DPP10: variants seen among roughly 807,000 people sequenced by gnomAD.
The protein encoded by DPP10 is dipeptidyl peptidase like 10, also known as inactive dipeptidyl peptidase 10.
In DPP10, 33 loss-of-function variants were observed where a neutral mutation model predicts 120.9. That is an observed-to-expected ratio of 0.27 (90% CI 0.21 to 0.37). DPP10 has a LOEUF of 0.37. DPP10 is among the 10% of genes least tolerant of loss of function. The probability of loss-of-function intolerance (pLI) is 1.00; values close to 1 mark genes in which losing one functional copy is unlikely to be tolerated. For synonymous variants in DPP10, 337 were observed against 326.1 expected (o/e 1.03, Z -0.36); for missense variants, 816 against 942.8 (o/e 0.87, Z 1.76).
intron 1 of DPP10, among the ~76,000 whole-genome samples, chr2:114,968,876 C>T (rs1699211877): frequency 6.6e-6 from 1 of 152,152 alleles, no homozygotes; most frequent in Admixed American, 6.6e-5. Flanking sequence ...TTTGTCAAGG[C>T]AATGTGAGTG....
intron 1 of DPP10, among the ~76,000 whole-genome samples, chr2:115,135,477 C>T (rs1010297055): frequency 4.6e-5 from 7 of 152,016 alleles, no homozygotes; most frequent in Admixed American, 6.6e-5. Flanking sequence ...TCAAGGTCAG[C>T]GAAAAACAGA....
At chr2:114,620,259 A>ACACAAGT (rs1434321883) in intron 1 of DPP10, among the ~76,000 whole-genome samples, 2 of 152,018 alleles carry the variant, frequency 1.3e-5, no homozygotes, top group Non-Finnish European at 2.9e-5. Flanking sequence ...AAATAAAGAA[A>ACACAAGT]CACAAGTGGG....
chr2:114,746,946 T>C (rs1678635702), intron 1 of DPP10, among the ~76,000 whole-genome samples: 2 of 152,078 alleles, frequency 1.3e-5, no homozygotes, highest in South Asian at 2.1e-4. Flanking sequence ...GGTTGAAACA[T>C]AAAAGAGACT....
intron 1 of DPP10, among the ~76,000 whole-genome samples, chr2:114,449,119 A>AT (rs1409027372): frequency 9.9e-5 from 15 of 152,122 alleles, no homozygotes; most frequent in Non-Finnish European, 2.1e-4. Flanking sequence ...AATCATACTA[A>AT]TTTTTTGTCC....
chr2:114,955,897 A>T (rs1220362955), intron 1 of DPP10, among the ~76,000 whole-genome samples: 1 of 152,186 alleles, frequency 6.6e-6, no homozygotes, highest in African/African-American at 2.4e-5. Flanking sequence ...TTAATATTTT[A>T]TCATATTAAA....
At chr2:115,191,802 T>G (rs1338547855) in intron 1 of DPP10, among the ~76,000 whole-genome samples, 1 of 152,078 alleles carries the variant, frequency 6.6e-6, no homozygotes, top group East Asian at 1.9e-4. Context: ...CCCAGGCTGG[T>G]GTTGATGTAC....
At chr2:114,830,262 T>A (rs1032395853) in intron 1 of DPP10, among the ~76,000 whole-genome samples, 8 of 151,482 alleles carry the variant, frequency 5.3e-5, no homozygotes, top group African/African-American at 1.9e-4. Context: ...CCCCTTACAC[T>A]ATCTCCCATT....
intron 2 of DPP10, among the ~76,000 whole-genome samples, chr2:115,333,220 G>T (rs909757026): frequency 8.5e-5 from 13 of 152,052 alleles, no homozygotes; most frequent in African/African-American, 2.4e-4. Context: ...TTTAAAGTCT[G>T]TTTTATCAGA....
intron 1 of DPP10, among the ~76,000 whole-genome samples, chr2:114,726,812 T>C (rs987476652): frequency 6.6e-6 from 1 of 152,224 alleles, no homozygotes; most frequent in Non-Finnish European, 1.5e-5. Flanking sequence ...CATTTTTTCC[T>C]GGGAATATTT....
rs575896558 is a variant in DPP10 at position 115,788,986 on chromosome 2, C to T, written c.1532-2095C>T. ...ACAAAAAATTAGCCGGGTGTGGTGG[C>T]GGGCGCCTGTAGTCCCAGCTATTCA... On this transcript the variant is annotated intron_variant, in intron 17 of 25. Coordinates refer to ENST00000410059, the MANE Select transcript of DPP10 (RefSeq NM_020868.6). 7.0e-4 allele frequency among the ~76,000 whole-genome samples: 107 copies of T among 151,992 alleles called. 1 individual carries two copies. Among genetic ancestry groups the T allele is most frequent in the African/African-American group, 2.3e-3 (96 of 41,480 alleles).
intron 5 of DPP10, among the ~76,000 whole-genome samples, chr2:115,653,403 G>A (rs986415246): frequency 2.0e-5 from 3 of 151,914 alleles, no homozygotes; most frequent in Non-Finnish European, 2.9e-5. Flanking sequence ...ATTCTCAGTA[G>A]CACCAGTAGT....
intron 1 of DPP10, among the ~76,000 whole-genome samples, chr2:114,638,580 A>G (rs908764689): frequency 2.0e-5 from 3 of 151,878 alleles, no homozygotes; most frequent in African/African-American, 4.9e-5. Flanking sequence ...GTGTGATACC[A>G]TCTCCCACTA....
chr2:114,795,625 G>A (rs1464061098), intron 1 of DPP10, among the ~76,000 whole-genome samples: 1 of 151,898 alleles, frequency 6.6e-6, no homozygotes, highest in African/African-American at 2.4e-5. Context: ...GAACTATGTG[G>A]GCCCACCTAT....
At chr2:114,988,308 G>A (rs1226631476) in intron 1 of DPP10, among the ~76,000 whole-genome samples, 1 of 152,134 alleles carries the variant, frequency 6.6e-6, no homozygotes, top group Non-Finnish European at 1.5e-5. Flanking sequence ...AGTACCGAAG[G>A]TCCACACCTA....
At chr2:114,572,099 C>T (rs1689704008) in intron 1 of DPP10, among the ~76,000 whole-genome samples, 2 of 151,554 alleles carry the variant, frequency 1.3e-5, no homozygotes, top group African/African-American at 4.8e-5. Context: ...AAATCTGTCT[C>T]TCACATACAC....
At chr2:115,767,371 C>T (rs1334586553) in intron 12 of DPP10, among the ~76,000 whole-genome samples, 2 of 152,018 alleles carry the variant, frequency 1.3e-5, no homozygotes, top group Non-Finnish European at 1.5e-5. Context: ...AACCACCTCT[C>T]GTTAGTCCAG....
intron 1 of DPP10, among the ~76,000 whole-genome samples, chr2:114,826,966 T>C (rs190458694): frequency 6.3e-4 from 96 of 152,298 alleles, no homozygotes; most frequent in African/African-American, 2.1e-3. Context: ...TGTGTTTCTG[T>C]AAGCCATTCA....
chr2:114,823,685 T>C (rs1040458482), intron 1 of DPP10, among the ~76,000 whole-genome samples: 1 of 152,086 alleles, frequency 6.6e-6, no homozygotes, highest in Non-Finnish European at 1.5e-5. Flanking sequence ...GCTCAGAGCA[T>C]AAGGAACAGT....
intron 2 of DPP10, among the ~76,000 whole-genome samples, chr2:115,313,901 A>G (rs1037186919): frequency 2.0e-5 from 3 of 152,062 alleles, no homozygotes; most frequent in South Asian, 2.1e-4. Flanking sequence ...TTTTCTATTG[A>G]GTTTGTTTAA....
Sources: gnomAD v4.1 joint callset for allele counts (sites outside exome capture counted in the v4.1 genomes callset) on GRCh38, gnomAD v4.1.1 for gene constraint, MANE v1.5 for transcripts, NCBI Gene and HGNC (gene_info 2026-07-23, HGNC 2026-07-21) for gene names.